SORCS3: variants seen among roughly 807,000 people sequenced by gnomAD.
The protein encoded by SORCS3 is sortilin related VPS10 domain containing receptor 3, also known as VPS10 domain-containing receptor SorCS3.
SORCS3 carries 57 observed loss-of-function variants against 146.3 expected under a neutral mutation model. That is an observed-to-expected ratio of 0.39 (90% CI 0.31 to 0.49). The LOEUF is 0.49. Ranked by LOEUF, SORCS3 falls within the 20% of genes least tolerant of loss-of-function variation. The pLI is 0.92. For synonymous variants in SORCS3, 653 were observed against 618.5 expected (o/e 1.06, Z -0.83); for missense variants, 1,341 against 1,575.5 (o/e 0.85, Z 2.52).
At chr10:104,990,997 CT>C (rs1370230177) in intron 4 of SORCS3, among the ~76,000 whole-genome samples, 1 of 152,132 alleles carries the variant, frequency 6.6e-6, no homozygotes, top group Non-Finnish European at 1.5e-5. Context: ...CTTACCAGCC[CT>C]TCCCTTGGCT....
chr10:105,185,863 T>C (rs1246960414), intron 14 of SORCS3, among the ~76,000 whole-genome samples: 1 of 152,224 alleles, frequency 6.6e-6, no homozygotes, highest in African/African-American at 2.4e-5. Flanking sequence ...GTGGTATCAC[T>C]TTATATGTTT....
chr10:105,110,547 G>T (rs2133756914), intron 7 of SORCS3, among the ~76,000 whole-genome samples: 1 of 152,070 alleles, frequency 6.6e-6, no homozygotes, highest in East Asian at 1.9e-4. Flanking sequence ...CAACAGATTA[G>T]GGCTCTGTTT....
intron 7 of SORCS3, among the ~76,000 whole-genome samples, chr10:105,124,286 G>T (rs1271001911): frequency 6.6e-6 from 1 of 152,144 alleles, no homozygotes; most frequent in Non-Finnish European, 1.5e-5. Flanking sequence ...ATATAATGAA[G>T]ATGTTTAAAG....
At chr10:104,812,105 A>AG (rs1394438639) in intron 1 of SORCS3, among the ~76,000 whole-genome samples, 3 of 152,226 alleles carry the variant, frequency 2.0e-5, no homozygotes, top group African/African-American at 7.2e-5. Flanking sequence ...ATCCAGATGA[A>AG]GGGTAGACAG....
At chr10:104,965,532 A>C (rs1287693954) in intron 3 of SORCS3, among the ~76,000 whole-genome samples, 1 of 152,176 alleles carries the variant, frequency 6.6e-6, no homozygotes, top group Non-Finnish European at 1.5e-5. Flanking sequence ...TTTTGTTCCC[A>C]CCAACAGTTC....
chr10:105,232,126 C>T (rs910064452), intron 20 of SORCS3, among the ~76,000 whole-genome samples: 1 of 151,940 alleles, frequency 6.6e-6, no homozygotes, highest in Non-Finnish European at 1.5e-5. Context: ...ATAATTTCTC[C>T]CTTAAATGTT....
intron 13 of SORCS3, among the ~76,000 whole-genome samples, chr10:105,171,980 T>A (rs929491414): frequency 2.0e-5 from 3 of 152,208 alleles, no homozygotes; most frequent in Non-Finnish European, 4.4e-5. Flanking sequence ...ATCACAGTGC[T>A]AATTGACCTG....
intron 1 of SORCS3, among the ~76,000 whole-genome samples, chr10:104,695,112 A>G (rs2016159186): frequency 6.6e-6 from 1 of 152,166 alleles, no homozygotes; most frequent in Admixed American, 6.5e-5. Context: ...TGGGACAGTC[A>G]GATCAGCTTT....
intron 1 of SORCS3, among the ~76,000 whole-genome samples, chr10:104,749,029 A>G (rs370834795): frequency 6.6e-6 from 1 of 152,196 alleles, no homozygotes; most frequent in Non-Finnish European, 1.5e-5. Flanking sequence ...GAGCATGGCT[A>G]TGAGAAGGTC....
At chr10:104,858,144 A>G (rs1322685542) in intron 2 of SORCS3, among the ~76,000 whole-genome samples, 1 of 152,184 alleles carries the variant, frequency 6.6e-6, no homozygotes, top group Non-Finnish European at 1.5e-5. Context: ...TTGTGTAATA[A>G]TTTTACTAAT....
intron 3 of SORCS3, among the ~76,000 whole-genome samples, chr10:104,958,480 G>A (rs1343145150): frequency 6.6e-6 from 1 of 152,150 alleles, no homozygotes; most frequent in Non-Finnish European, 1.5e-5. Context: ...CTTAAAATAA[G>A]GAGAGTACCC....
At chr10:104,872,924 T>C (rs967540379) in intron 2 of SORCS3, among the ~76,000 whole-genome samples, 5 of 152,242 alleles carry the variant, frequency 3.3e-5, no homozygotes, top group East Asian at 1.9e-4. Flanking sequence ...TGAAAGCTTA[T>C]GGCTGGAAGG....
chr10:104,689,841 C>T lies in SORCS3; in HGVS notation c.627+47887C>T, dbSNP rs544322761. Among the ~76,000 whole-genome samples the T allele has an allele frequency of 3.9e-5, 6 of 152,262 alleles. No individual in the cohort carries two copies. In the East Asian group the frequency reaches 5.8e-4, roughly 15 times the overall value. ...GGCCTAGAGAAAAGGAATTCCAGCT[C>T]GGGATTTTCTGAATTTGCAGACTGA... On this transcript the variant is annotated intron_variant, in intron 1 of 26. Transcript: ENST00000369701.
intron 4 of SORCS3, among the ~76,000 whole-genome samples, chr10:105,020,608 A>G (rs1418316848): frequency 2.0e-5 from 3 of 152,238 alleles, no homozygotes; most frequent in Admixed American, 1.3e-4. Context: ...CTACTTCAGC[A>G]ACATAAAAAT....
chr10:104,734,526 A>G (rs2016745913), intron 1 of SORCS3, among the ~76,000 whole-genome samples: 1 of 152,244 alleles, frequency 6.6e-6, no homozygotes, highest in Non-Finnish European at 1.5e-5. Context: ...ACCAAGTACC[A>G]AGAGCACAGA....
intron 1 of SORCS3, among the ~76,000 whole-genome samples, chr10:104,750,673 G>T (rs1435889404): frequency 1.3e-5 from 2 of 152,084 alleles, no homozygotes; most frequent in African/African-American, 4.8e-5. Flanking sequence ...TAGAGATCTG[G>T]GCCAAGTCTA....
intron 20 of SORCS3, among the ~76,000 whole-genome samples, chr10:105,231,133 C>T (rs1450916656): frequency 6.6e-6 from 1 of 152,214 alleles, no homozygotes; most frequent in Non-Finnish European, 1.5e-5. Flanking sequence ...TCCTTCACTG[C>T]TTTATGTGCT....
chr10:104,949,832 G>C (rs1383377924), intron 3 of SORCS3, among the ~76,000 whole-genome samples: 1 of 152,226 alleles, frequency 6.6e-6, no homozygotes, highest in East Asian at 1.9e-4. Context: ...GTATTTTACT[G>C]TTCAGTTGCA....
intron 3 of SORCS3, among the ~76,000 whole-genome samples, chr10:104,921,503 C>CTGTGTGTG (rs752411926): frequency 3.1e-4 from 44 of 143,492 alleles, no homozygotes; most frequent in Non-Finnish European, 5.6e-4. Flanking sequence ...CTCTCTCTCT[C>CTGTGTGTG]TGTGTGTGTG....
Sources: gnomAD v4.1 joint callset for allele counts (sites outside exome capture counted in the v4.1 genomes callset) on GRCh38, gnomAD v4.1.1 for gene constraint, MANE v1.5 for transcripts, NCBI Gene and HGNC (gene_info 2026-07-23, HGNC 2026-07-21) for gene names.